RBMS1: variants seen among roughly 807,000 people sequenced by gnomAD.
The protein encoded by RBMS1 is RNA binding motif single stranded interacting protein 1, also known as RNA-binding motif, single-stranded-interacting protein 1.
A neutral mutation model predicts 62.3 loss-of-function variants in RBMS1; 17 were observed. The ratio of observed to expected loss-of-function variants is 0.27; its 90% CI spans 0.19 to 0.41. The LOEUF (loss-of-function observed/expected upper bound fraction) is 0.41. RBMS1 is among the 10% of genes least tolerant of loss of function. The pLI is 1.00. For synonymous variants in RBMS1, 172 were observed against 170.0 expected, an observed-to-expected ratio of 1.01 and a Z score of -0.09; for missense variants, 334 against 504.5, an observed-to-expected ratio of 0.66 and a Z score of 3.24.
At chr2:160,413,560 A>G (rs1221876631) in intron 1 of RBMS1, among the ~76,000 whole-genome samples, 1 of 152,212 alleles carries the variant, frequency 6.6e-6, no homozygotes, top group African/African-American at 2.4e-5. Flanking sequence ...ACTGTAATAA[A>G]ATAAAACTAT....
At chr2:160,296,060 C>A (rs1277177785) in intron 6 of RBMS1, among the ~76,000 whole-genome samples, 1 of 152,186 alleles carries the variant, frequency 6.6e-6, no homozygotes, top group Non-Finnish European at 1.5e-5. Flanking sequence ...AGCAAGAAAA[C>A]GCCAGCTGGG....
At chr2:160,458,977 G>A (rs1444719098) in intron 1 of RBMS1, among the ~76,000 whole-genome samples, 2 of 152,178 alleles carry the variant, frequency 1.3e-5, no homozygotes, top group Non-Finnish European at 2.9e-5. Context: ...AATCAGAAGT[G>A]CTCAAGCAAA....
intron 6 of RBMS1, among the ~76,000 whole-genome samples, chr2:160,294,837 C>T: frequency 6.6e-6 from 1 of 152,000 alleles, no homozygotes; most frequent in Admixed American, 6.6e-5. Context: ...CAAGTGGAGG[C>T]TCATTCAACT....
intron 1 of RBMS1, among the ~76,000 whole-genome samples, chr2:160,481,574 T>C (rs1435433096): frequency 6.6e-6 from 1 of 152,142 alleles, no homozygotes; most frequent in African/African-American, 2.4e-5. Context: ...ATCCAAAATA[T>C]ATTTTAAAAC....
At chr2:160,481,641 C>T (rs1222256149) in intron 1 of RBMS1, among the ~76,000 whole-genome samples, 1 of 152,064 alleles carries the variant, frequency 6.6e-6, no homozygotes, top group Admixed American at 6.5e-5. Context: ...AGTTGAATTG[C>T]ATGGTATGTA....
At chr2:160,451,584 C>T (rs903140161) in intron 1 of RBMS1, among the ~76,000 whole-genome samples, 11 of 151,936 alleles carry the variant, frequency 7.2e-5, no homozygotes, top group African/African-American at 2.7e-4. Flanking sequence ...AGAAATAAAA[C>T]GTTTAATGCA....
chr2:160,285,650 CT>C (rs1460896956), intron 7 of RBMS1, among the ~76,000 whole-genome samples: 2 of 150,412 alleles, frequency 1.3e-5, no homozygotes, highest in Admixed American at 1.3e-4. Flanking sequence ...AAAAAAAAAA[CT>C]ATTCAAAAGA....
At chr2:160,359,250 C>T (rs1477734399) in intron 2 of RBMS1, among the ~76,000 whole-genome samples, 2 of 152,142 alleles carry the variant, frequency 1.3e-5, no homozygotes, top group Non-Finnish European at 2.9e-5. Flanking sequence ...GACTCAGAGG[C>T]GTTGCTTTAG....
intron 2 of RBMS1, among the ~76,000 whole-genome samples, chr2:160,331,274 T>TGCTCC (rs2105983602): frequency 6.6e-6 from 1 of 152,324 alleles, no homozygotes; most frequent in South Asian, 2.1e-4. Context: ...TGTCCTGCCC[T>TGCTCC]GCTCCACCTT....
intron 4 of RBMS1, among the ~76,000 whole-genome samples, chr2:160,309,329 A>G (rs1388551890): frequency 6.6e-6 from 1 of 152,206 alleles, no homozygotes; most frequent in African/African-American, 2.4e-5. Flanking sequence ...ACCTGAATGG[A>G]TACAATAGAT....
Position 160,390,226 on chromosome 2 carries a change from A to G in RBMS1, c.76-22835T>C, listed in dbSNP as rs139147994. Among the ~76,000 whole-genome samples the G allele has an allele frequency of 5.1e-3, 781 of 152,312 alleles. 8 individuals carry two copies. Among genetic ancestry groups the G allele is most frequent in the African/African-American group, 0.018 (743 of 41,558 alleles). ...CACATCAGAATTGTTCTAATGTAAT[A>G]AAGAGCAGGAACTTTAGGAAAAAAA... On this transcript the variant is annotated intron_variant, in intron 1 of 13. Transcript: ENST00000348849.
rs1688325630 is a variant in RBMS1 at position 160,285,351 on chromosome 2, A to C, written c.757-307T>G. 2.0e-5 allele frequency among the ~76,000 whole-genome samples: 3 copies of C among 152,292 alleles called. No homozygotes were observed. In the South Asian group the frequency reaches 6.2e-4, roughly 32 times the overall value. On this transcript the variant is annotated intron_variant, in intron 7 of 13. Transcript: ENST00000348849. ...TTTCTGTTAGTCAAAATGACTATAA[A>C]TATGAAAATTAATCTCTGGACCTGC...
intron 4 of RBMS1, among the ~76,000 whole-genome samples, chr2:160,304,682 G>T (rs1221252107): frequency 6.6e-6 from 1 of 152,016 alleles, no homozygotes; most frequent in African/African-American, 2.4e-5. Context: ...ATAAATAATA[G>T]ATTTTAAAAT....
At chr2:160,317,823 G>A (rs1335116215) in intron 3 of RBMS1, among the ~76,000 whole-genome samples, 1 of 152,150 alleles carries the variant, frequency 6.6e-6, no homozygotes, top group Non-Finnish European at 1.5e-5. Flanking sequence ...ATGGTCTTCA[G>A]TAAGCAGCTC....
chr2:160,314,096 A>C (rs1236790145), intron 3 of RBMS1, among the ~76,000 whole-genome samples: 3 of 152,212 alleles, frequency 2.0e-5, no homozygotes, highest in African/African-American at 7.2e-5. Context: ...AAGTATATGA[A>C]TGGCATCTAA....
At chr2:160,291,851 G>A (rs1688695602) in intron 6 of RBMS1, among the ~76,000 whole-genome samples, 1 of 152,020 alleles carries the variant, frequency 6.6e-6, no homozygotes. Flanking sequence ...CAATATTAAA[G>A]TCATGTTAAA....
chr2:160,322,657 T>C (rs1227796406), intron 2 of RBMS1, among the ~76,000 whole-genome samples: 1 of 152,224 alleles, frequency 6.6e-6, no homozygotes, highest in Non-Finnish European at 1.5e-5. Flanking sequence ...TTACCTAAGG[T>C]GCTGAAGGGC....
chr2:160,347,690 T>C (rs895916819), intron 2 of RBMS1, among the ~76,000 whole-genome samples: 5 of 152,084 alleles, frequency 3.3e-5, no homozygotes, highest in African/African-American at 1.2e-4. Context: ...AGTTGTCATT[T>C]TGAGAATTAC....
chr2:160,301,883 T>C (rs944128158), intron 5 of RBMS1, among the ~76,000 whole-genome samples: 3 of 152,196 alleles, frequency 2.0e-5, no homozygotes, highest in African/African-American at 7.2e-5. Context: ...TGAGGTAAGA[T>C]GTGATTGTCA....
Sources: allele counts gnomAD v4.1 joint callset (sites outside exome capture counted in the v4.1 genomes callset), GRCh38; gene constraint gnomAD v4.1.1; transcripts MANE v1.5; gene names NCBI Gene and HGNC (gene_info 2026-07-23, HGNC 2026-07-21).